PCBP3: variants seen among roughly 807,000 people sequenced by gnomAD.
The protein encoded by PCBP3 is poly(rC) binding protein 3, also known as poly(rC)-binding protein 3.
Under a neutral mutation model 52.7 loss-of-function variants are expected in PCBP3, and 25 were observed. The observed-to-expected ratio is 0.47, with a 90% confidence interval of 0.35 to 0.66. PCBP3 has a LOEUF of 0.66. Among genes scored for constraint, PCBP3 ranks in the 30% least tolerant of loss-of-function variants. The pLI is 0.01. For synonymous variants in PCBP3, 162 were observed against 183.0 expected (o/e 0.89, Z 0.93); for missense variants, 391 against 490.3 (o/e 0.80, Z 1.91).
At chr21:45,930,391 G>A (rs1272711141) in intron 14 of PCBP3, among the ~76,000 whole-genome samples, 2 of 152,324 alleles carry the variant, frequency 1.3e-5, no homozygotes, top group South Asian at 2.1e-4. Context: ...CACAGCTGAC[G>A]TGGATGCTCT....
chr21:45,811,916 CTCT>C (rs2092697007), intron 4 of PCBP3, among the ~76,000 whole-genome samples: 1 of 152,160 alleles, frequency 6.6e-6, no homozygotes, highest in South Asian at 2.1e-4. Context: ...AATTGTCCCT[CTCT>C]TCTTTTATAG....
In PCBP3 at chr21:45,840,738, C is replaced by T. The variant is rs975596443; in HGVS notation, c.-125-9223C>T. Among the ~76,000 whole-genome samples, 7 of 152,220 alleles carry T rather than the reference C, an allele frequency of 4.6e-5. No homozygotes were observed. In the South Asian group the frequency reaches 1.2e-3, roughly 27 times the overall value. The stretch of plus-strand genomic sequence containing the variant: ...TCCTGAGCTCAAGTGGTCTTCCCAC[C>T]TTAGCTTCCTGAATAGCTGGCATGT... On this transcript the variant is annotated intron_variant, in intron 4 of 17. Transcript: ENST00000681687.
intron 5 of PCBP3, among the ~76,000 whole-genome samples, chr21:45,856,302 A>AAAG (rs2094292111): frequency 6.6e-6 from 1 of 152,232 alleles, no homozygotes; most frequent in Non-Finnish European, 1.5e-5. Context: ...CCCTTCTCTT[A>AAAG]ACCCAGACAC....
intron 5 of PCBP3, among the ~76,000 whole-genome samples, chr21:45,877,662 G>A (rs549909088): frequency 4.7e-4 from 72 of 152,266 alleles, no homozygotes; most frequent in African/African-American, 1.3e-3. Flanking sequence ...AAAATTAGCC[G>A]GGTGTGATGG....
chr21:45,680,205 CT>C (rs1433231077), intron 2 of PCBP3, among the ~76,000 whole-genome samples: 2 of 152,118 alleles, frequency 1.3e-5, no homozygotes, highest in Non-Finnish European at 2.9e-5. Context: ...ATTCTAGTTT[CT>C]TTGCTTTTCC....
chr21:45,663,456 C>A (rs1472377859), intron 1 of PCBP3, among the ~76,000 whole-genome samples: 1 of 152,100 alleles, frequency 6.6e-6, no homozygotes, highest in Non-Finnish European at 1.5e-5. Flanking sequence ...GGAAAACCCA[C>A]CGACCCTGTG....
Position 45,669,787 on chromosome 21 carries a change from T to G in PCBP3, c.-200+835T>G, listed in dbSNP as rs560115933. The stretch of plus-strand genomic sequence containing the variant: ...CTTTTTAAGACTGAATAATATTCCA[T>G]TGTGTGTGTGTGTGTGTGTATATAT... On this transcript the variant is annotated intron_variant, in intron 2 of 17. Transcript: ENST00000681687. Among the ~76,000 whole-genome samples, 3 of 79,020 alleles carry G rather than the reference T, an allele frequency of 3.8e-5. No homozygotes were observed. The South Asian group carries it at 1.4e-3, about 38-fold the overall frequency. The allele number at this position is 79,020 out of a possible 152,430, so 51.8% of individuals were successfully genotyped here. A position where few individuals can be genotyped will look rare whatever the true frequency, so the allele number is the denominator to read the frequency against.
chr21:45,844,753 C>T (rs2093770203), intron 4 of PCBP3, among the ~76,000 whole-genome samples: 2 of 152,112 alleles, frequency 1.3e-5, no homozygotes, highest in Admixed American at 6.5e-5. Context: ...CATGGTTCTT[C>T]TTTCTTCCTC....
chr21:45,654,063 ATATATTCTTT>A (rs2079857874), intron 1 of PCBP3, among the ~76,000 whole-genome samples: 1 of 152,126 alleles, frequency 6.6e-6, no homozygotes, highest in African/African-American at 2.4e-5. Context: ...CTTTAATTCT[ATATATTCTTT>A]TTAAATTCAG....
chr21:45,691,110 CA>C, intron 2 of PCBP3, among the ~76,000 whole-genome samples: 1 of 151,700 alleles, frequency 6.6e-6, no homozygotes, highest in East Asian at 1.9e-4. Context: ...AAGCTAGGAA[CA>C]ATTAAAAAAT....
intron 1 of PCBP3, among the ~76,000 whole-genome samples, chr21:45,660,195 G>A (rs1437499503): frequency 6.6e-6 from 1 of 151,806 alleles, no homozygotes; most frequent in Non-Finnish European, 1.5e-5. Context: ...GCTTCTTGAT[G>A]AATTGACCTT....
At chr21:45,812,003 C>T (rs2092698690) in intron 4 of PCBP3, among the ~76,000 whole-genome samples, 1 of 151,964 alleles carries the variant, frequency 6.6e-6, no homozygotes, top group South Asian at 2.1e-4. Context: ...TATCTTTTAG[C>T]TCTGCTTTGT....
At chr21:45,926,319 C>T (rs183334572) in intron 13 of PCBP3, among the ~76,000 whole-genome samples, 18 of 152,344 alleles carry the variant, frequency 1.2e-4, no homozygotes, top group Non-Finnish European at 2.5e-4. Context: ...TTAAGCACAG[C>T]TCGTCATTCT....
rs8131727 is a variant in PCBP3, at chr21:45,825,760, C to G, written c.-125-24201C>G. On this transcript the variant is annotated intron_variant, in intron 4 of 17. Transcript: ENST00000681687. The stretch of plus-strand genomic sequence containing the variant: ...ACTTTGTCTGGGGAGGGGAAGTTCT[C>G]TCAGGCAGGGCATCGAGGTTGCCCC... Among the ~76,000 whole-genome samples, 357 of 152,202 alleles carry G rather than the reference C, an allele frequency of 2.3e-3. 6 individuals carry two copies. The highest frequency in any genetic ancestry group is 8.0e-3 in the African/African-American group (332 of 41,514).
intron 11 of PCBP3, among the ~76,000 whole-genome samples, chr21:45,911,503 A>G (rs1393170279): frequency 6.6e-6 from 1 of 152,188 alleles, no homozygotes; most frequent in Non-Finnish European, 1.5e-5. Flanking sequence ...AACTCGGGAA[A>G]ACATACAAAA....
intron 13 of PCBP3, among the ~76,000 whole-genome samples, chr21:45,925,523 A>G (rs1430165915): frequency 6.6e-6 from 1 of 152,248 alleles, no homozygotes; most frequent in Non-Finnish European, 1.5e-5. Context: ...CTGCCAGACT[A>G]TATTTTTAAG....
At chr21:45,851,552 G>A (rs951715346) in intron 5 of PCBP3, among the ~76,000 whole-genome samples, 3 of 151,858 alleles carry the variant, frequency 2.0e-5, no homozygotes, top group Non-Finnish European at 2.9e-5. Flanking sequence ...GGTGACAGTC[G>A]ATGGAACAGA....
intron 5 of PCBP3, among the ~76,000 whole-genome samples, chr21:45,862,367 A>G (rs2094544248): frequency 6.6e-6 from 1 of 152,184 alleles, no homozygotes; most frequent in South Asian, 2.1e-4. Flanking sequence ...AGACTTCAAT[A>G]TAGTAACATA....
At chr21:45,806,129 G>A (rs2092490348) in intron 4 of PCBP3, among the ~76,000 whole-genome samples, 1 of 152,260 alleles carries the variant, frequency 6.6e-6, no homozygotes, top group Non-Finnish European at 1.5e-5. Flanking sequence ...CAGCAGCTCT[G>A]CACAGAGTGT....
Sources: allele counts gnomAD v4.1 joint callset (sites outside exome capture counted in the v4.1 genomes callset), GRCh38; gene constraint gnomAD v4.1.1; transcripts MANE v1.5; gene names NCBI Gene and HGNC (gene_info 2026-07-23, HGNC 2026-07-21).